CFAP54: variants seen among roughly 807,000 people sequenced by gnomAD.
CFAP54 encodes the protein cilia and flagella associated protein 54.
Under a neutral mutation model 370.4 loss-of-function variants are expected in CFAP54, and 290 were observed. The observed-to-expected ratio is 0.78, with a 90% CI of 0.71 to 0.86. The LOEUF (loss-of-function observed/expected upper bound fraction) is 0.86, where lower values mean the gene tolerates loss of function less well. CFAP54 is among the 40% of genes least tolerant of loss of function. The probability of loss-of-function intolerance (pLI) is 0.00; values close to 1 mark genes in which losing one functional copy is unlikely to be tolerated. For synonymous variants in CFAP54, 1,206 were observed against 1,236.5 expected (o/e 0.98, Z 0.52); for missense variants, 3,399 against 3,528.7 (o/e 0.96, Z 0.93).
intron 46 of CFAP54, among the ~76,000 whole-genome samples, chr12:96,702,980 A>G (rs1193710360): frequency 6.6e-6 from 1 of 152,214 alleles, no homozygotes; most frequent in Non-Finnish European, 1.5e-5. Flanking sequence ...AAGTCCCATT[A>G]TTAAACTCTC....
At chr12:96,713,631 G>A (rs2136598722) in intron 48 of CFAP54, among the ~76,000 whole-genome samples, 1 of 152,154 alleles carries the variant, frequency 6.6e-6, no homozygotes, top group Non-Finnish European at 1.5e-5. Flanking sequence ...ATGAATAAAG[G>A]CATTGTGGGT....
chr12:96,732,418 C>G (rs1957931550), intron 50 of CFAP54, among the ~76,000 whole-genome samples: 1 of 152,116 alleles, frequency 6.6e-6, no homozygotes, highest in Non-Finnish European at 1.5e-5. Context: ...AAGCATGAGC[C>G]ACCATGCCTG....
chr12:96,620,308 A>G (rs545340811), intron 26 of CFAP54, among the ~76,000 whole-genome samples: 1 of 152,238 alleles, frequency 6.6e-6, no homozygotes, highest in African/African-American at 2.4e-5. Context: ...CGTAGGAGGG[A>G]CCTGGTGTGA....
intron 63 of CFAP54, among the ~76,000 whole-genome samples, chr12:96,796,711 C>G (rs533960634): frequency 6.6e-6 from 1 of 152,198 alleles, no homozygotes; most frequent in African/African-American, 2.4e-5. Flanking sequence ...AGTTGCTGTT[C>G]TAGGAATTTG....
chr12:96,627,555 A>G (rs1956560941), intron 30 of CFAP54, among the ~76,000 whole-genome samples: 1 of 152,242 alleles, frequency 6.6e-6, no homozygotes, highest in South Asian at 2.1e-4. Flanking sequence ...AGTAAACAGT[A>G]ACATGAAACC....
At chr12:96,593,288 T>C (rs1408285538) in intron 24 of CFAP54, among the ~76,000 whole-genome samples, 1 of 152,094 alleles carries the variant, frequency 6.6e-6, no homozygotes, top group East Asian at 1.9e-4. Flanking sequence ...CTGCTTGAAG[T>C]TCACTTTTCT....
intron 26 of CFAP54, among the ~76,000 whole-genome samples, chr12:96,605,194 A>G (rs1461027568): frequency 1.3e-5 from 2 of 152,190 alleles, no homozygotes; most frequent in Non-Finnish European, 2.9e-5. Flanking sequence ...TTAATTATAT[A>G]TTTATTATAC....
At chr12:96,510,998 A>G (rs1234812934) in intron 4 of CFAP54, among the ~76,000 whole-genome samples, 1 of 151,130 alleles carries the variant, frequency 6.6e-6, no homozygotes, top group African/African-American at 2.4e-5. Context: ...AAAAAGATGA[A>G]GAGTAGAGGT....
chr12:96,813,782 G>C (rs1958948787), intron 64 of CFAP54, among the ~76,000 whole-genome samples: 1 of 152,216 alleles, frequency 6.6e-6, no homozygotes, highest in African/African-American at 2.4e-5. Flanking sequence ...CAGTAAATTA[G>C]AGCAGCGGCT....
intron 27 of CFAP54, among the ~76,000 whole-genome samples, chr12:96,622,432 C>A (rs1414495546): frequency 6.6e-6 from 1 of 150,570 alleles, no homozygotes; most frequent in Non-Finnish European, 1.5e-5. Flanking sequence ...CTCACCGTAG[C>A]CTCCACCTCC....
At chr12:96,860,202 T>G (rs1959842229) in intron 66 of CFAP54, among the ~76,000 whole-genome samples, 1 of 151,044 alleles carries the variant, frequency 6.6e-6, no homozygotes, top group South Asian at 2.1e-4. Flanking sequence ...ATTGTGGTCA[T>G]TCTACACAAG....
chr12:96,743,525 A>G lies in CFAP54; in HGVS notation c.7343A>G (p.Lys2448Arg). 1 of 1,614,100 alleles carries G rather than the reference A, an allele frequency of 6.2e-7. No homozygotes were observed. Among genetic ancestry groups the G allele is most frequent in the Non-Finnish European group, 8.5e-7 (1 of 1,179,974 alleles). ...TQAVILGLQE[K>R]HLKADIMTNL... The stretch of plus-strand genomic sequence containing the variant: ...GCTGTAATTCTTGGCCTACAAGAAA[A>G]GCATTTAAAGGCAGACATCATGACA... The change falls in exon 53 of 68, where the codon AAG becomes AGG. Residue 2448 changes from lysine to arginine, a missense_variant. Lys to Arg is a conservative substitution (Grantham distance 26). Around this residue, in one of 3 missense-constraint regions of CFAP54, gnomAD observed 2,796 missense variants for 2,869.7 expected, o/e 0.97. Transcript: ENST00000524981.
rs566718939 is a variant in CFAP54 at position 96,655,948 on chromosome 12, A to T, written c.5101-1934A>T. Among the ~76,000 whole-genome samples, 7 of 152,260 alleles carry T rather than the reference A, an allele frequency of 4.6e-5. No individual in the cohort carries two copies. In the South Asian group the frequency reaches 1.5e-3, roughly 32 times the overall value. On this transcript the variant is annotated intron_variant, in intron 36 of 67. Transcript: ENST00000524981. The stretch of plus-strand genomic sequence containing the variant: ...TTTTTACTTTTTAGAGATAAATACT[A>T]AAATATTCATAGATTAATTAATATA...
chr12:96,852,551 A>AAAC (rs1281882422), intron 66 of CFAP54, among the ~76,000 whole-genome samples: 1 of 152,126 alleles, frequency 6.6e-6, no homozygotes, highest in Non-Finnish European at 1.5e-5. Context: ...GTGGAAGATA[A>AAAC]AACAATAAAG....
intron 49 of CFAP54, among the ~76,000 whole-genome samples, chr12:96,718,961 C>A (rs1374763296): frequency 6.6e-6 from 1 of 151,928 alleles, no homozygotes; most frequent in Non-Finnish European, 1.5e-5. Flanking sequence ...TCGCTTGAAC[C>A]CAGGAGGCAG....
intron 19 of CFAP54, among the ~76,000 whole-genome samples, chr12:96,568,883 T>G (rs2136414727): frequency 6.6e-6 from 1 of 152,138 alleles, no homozygotes; most frequent in East Asian, 1.9e-4. Flanking sequence ...AATAACTCAT[T>G]AGCTTCCAAG....
At chr12:96,530,357 G>T (rs562036812) in intron 9 of CFAP54, among the ~76,000 whole-genome samples, 1 of 152,308 alleles carries the variant, frequency 6.6e-6, no homozygotes, top group East Asian at 1.9e-4. Context: ...AGGCGTCATG[G>T]CATGTGCCTG....
At chr12:96,686,407 A>G (rs1957330040) in intron 42 of CFAP54, among the ~76,000 whole-genome samples, 1 of 152,206 alleles carries the variant, frequency 6.6e-6, no homozygotes, top group Non-Finnish European at 1.5e-5. Flanking sequence ...CTACAAAGAA[A>G]TACCCAAGAC....
chr12:96,589,738 CTT>C (rs1469642823), intron 23 of CFAP54, among the ~76,000 whole-genome samples, 175 bp downstream of exon 23: 2 of 149,766 alleles, frequency 1.3e-5, no homozygotes, highest in African/African-American at 4.9e-5. Context: ...TTGTTAGAAA[CTT>C]TCTTTCTTTC....
Sources: allele counts gnomAD v4.1 joint callset (sites outside exome capture counted in the v4.1 genomes callset), GRCh38; gene constraint gnomAD v4.1.1; regional missense constraint gnomAD v4.1.1; transcripts MANE v1.5; gene names NCBI Gene and HGNC (gene_info 2026-07-23, HGNC 2026-07-21).